The following BABAM2 variants were observed in gnomAD, a reference collection of about 807,000 sequenced individuals.
BABAM2 encodes BRISC and BRCA1-A complex member 2.
BABAM2 carries 31 observed loss-of-function variants against 54.7 expected under a neutral mutation model. The observed-to-expected ratio is 0.57, with a 90% CI of 0.43 to 0.77. The LOEUF (loss-of-function observed/expected upper bound fraction) is 0.77, where lower values mean the gene tolerates loss of function less well. BABAM2 is among the 30% of genes least tolerant of loss of function. The pLI is 0.00. For synonymous variants in BABAM2, 167 were observed against 162.9 expected, an observed-to-expected ratio of 1.03 and a Z score of -0.19; for missense variants, 364 against 455.8, an observed-to-expected ratio of 0.80 and a Z score of 1.83.
chr2:27,930,103 G>A, intron 3 of BABAM2, 195 bp downstream of exon 3: 1 of 521,492 alleles, frequency 1.9e-6, no homozygotes, highest in South Asian at 2.6e-5. Flanking sequence ...ATACGTTGTG[G>A]TTAAATAGGC....
chr2:28,161,074 TTCCCTTTAC>T (rs1673045951), intron 7 of BABAM2, among the ~76,000 whole-genome samples: 1 of 152,174 alleles, frequency 6.6e-6, no homozygotes. Context: ...TTCCAACAGA[TTCCCTTTAC>T]AGGAAAGATG....
At chr2:28,044,409 T>G (rs1288667090) in intron 5 of BABAM2, among the ~76,000 whole-genome samples, 1 of 152,088 alleles carries the variant, frequency 6.6e-6, no homozygotes, top group Non-Finnish European at 1.5e-5. Flanking sequence ...TTTGTATTCT[T>G]TAGTGGAGAT....
At chr2:28,333,542 A>G (rs113102200) in intron 11 of BABAM2, among the ~76,000 whole-genome samples, 1 of 152,202 alleles carries the variant, frequency 6.6e-6, no homozygotes, top group Non-Finnish European at 1.5e-5. Context: ...AATTCATGGG[A>G]AACCTACCCA....
At chr2:28,334,730 C>T (rs193040245) in intron 11 of BABAM2, among the ~76,000 whole-genome samples, 6 of 152,222 alleles carry the variant, frequency 3.9e-5, no homozygotes, top group Non-Finnish European at 7.3e-5. Context: ...GTGGCCCTCA[C>T]GTCTGGGTGG....
chr2:28,016,317 T>A (rs1674811631), intron 4 of BABAM2: 2 of 1,075,544 alleles, frequency 1.9e-6, no homozygotes, highest in Non-Finnish European at 2.9e-6. Flanking sequence ...ACCAAACTCT[T>A]GGAGCCTTTC....
At chr2:27,932,837 G>C (rs998573989) in intron 3 of BABAM2, among the ~76,000 whole-genome samples, 1 of 152,148 alleles carries the variant, frequency 6.6e-6, no homozygotes, top group African/African-American at 2.4e-5. Context: ...ACAGGTCAAA[G>C]CTTTCCTCTG....
At chr2:28,032,368 T>C (rs1676359149) in intron 5 of BABAM2, among the ~76,000 whole-genome samples, 1 of 152,210 alleles carries the variant, frequency 6.6e-6, no homozygotes, top group Non-Finnish European at 1.5e-5. Context: ...GGCTCTGATT[T>C]ACTATCAGTC....
chr2:28,268,574 A>G (rs1685172499), intron 10 of BABAM2, among the ~76,000 whole-genome samples: 1 of 152,246 alleles, frequency 6.6e-6, no homozygotes, highest in African/African-American at 2.4e-5. Context: ...AATTAGTAGT[A>G]ATAAAGATAA....
At chr2:28,312,511 C>T (rs1208301334) in intron 11 of BABAM2, among the ~76,000 whole-genome samples, 1 of 152,186 alleles carries the variant, frequency 6.6e-6, no homozygotes, top group African/African-American at 2.4e-5. Flanking sequence ...ATGAGGCTAT[C>T]TATGGCATTA....
At chr2:28,117,550 A>T (rs1668711882) in intron 6 of BABAM2, among the ~76,000 whole-genome samples, 1 of 151,704 alleles carries the variant, frequency 6.6e-6, no homozygotes, top group Non-Finnish European at 1.5e-5. Context: ...TGCTGCCTGG[A>T]CTCTCTCCTC....
At chr2:28,164,413 C>T (rs955408855) in intron 7 of BABAM2, among the ~76,000 whole-genome samples, 1 of 152,004 alleles carries the variant, frequency 6.6e-6, no homozygotes, top group Non-Finnish European at 1.5e-5. Flanking sequence ...TAAATATAAA[C>T]CTCGGGCACA....
chr2:28,126,162 C>A (rs933245334), intron 6 of BABAM2, among the ~76,000 whole-genome samples: 1 of 151,474 alleles, frequency 6.6e-6, no homozygotes, highest in Non-Finnish European at 1.5e-5. Context: ...TATTATTATA[C>A]TTTAAGTTTT....
At chr2:27,976,578 G>A (rs1208025481) in intron 3 of BABAM2, among the ~76,000 whole-genome samples, 1 of 152,120 alleles carries the variant, frequency 6.6e-6, no homozygotes, top group Non-Finnish European at 1.5e-5. Context: ...TAAATACACA[G>A]GGATAGCATG....
chr2:28,113,765 A>T (rs1358977298), intron 6 of BABAM2, among the ~76,000 whole-genome samples: 1 of 152,132 alleles, frequency 6.6e-6, no homozygotes, highest in Non-Finnish European at 1.5e-5. Context: ...TACGATATTG[A>T]TTCTTCCTAT....
chr2:27,930,718 T>C (rs1668031576), intron 3 of BABAM2, among the ~76,000 whole-genome samples: 1 of 152,234 alleles, frequency 6.6e-6, no homozygotes, highest in Non-Finnish European at 1.5e-5. Flanking sequence ...GATCTGTCAT[T>C]GGACTTAGCC....
At chr2:28,123,089 T>C (rs1444306015) in intron 6 of BABAM2, among the ~76,000 whole-genome samples, 1 of 152,252 alleles carries the variant, frequency 6.6e-6, no homozygotes, top group Non-Finnish European at 1.5e-5. Flanking sequence ...GCTTATTTCA[T>C]TCATTTACTC....
chr2:28,020,129 C>T (rs1434761151), intron 4 of BABAM2, among the ~76,000 whole-genome samples: 4 of 152,176 alleles, frequency 2.6e-5, no homozygotes, highest in Non-Finnish European at 5.9e-5. Flanking sequence ...TTGAAGCATA[C>T]GTGTTTAGGG....
chr2:28,016,283 TCA>T, intron 4 of BABAM2: 1 of 931,960 alleles, frequency 1.1e-6, no homozygotes, highest in Non-Finnish European at 1.7e-6. Context: ...CTTCCAGTTC[TCA>T]TTCATTTTTT....
At chr2:28,070,441 T>C (rs1664018045) in intron 6 of BABAM2, among the ~76,000 whole-genome samples, 2 of 152,222 alleles carry the variant, frequency 1.3e-5, no homozygotes, top group African/African-American at 4.8e-5. Flanking sequence ...TCAAAAATCC[T>C]CAGGGAGGTT....
Sources: allele counts gnomAD v4.1 joint callset (sites outside exome capture counted in the v4.1 genomes callset), GRCh38; gene constraint gnomAD v4.1.1; transcripts MANE v1.5; gene names NCBI Gene and HGNC (gene_info 2026-07-23, HGNC 2026-07-21).